KLRD1: variants seen among roughly 807,000 people sequenced by gnomAD.
KLRD1 encodes the protein natural killer cells antigen CD94.
A neutral mutation model predicts 22.6 loss-of-function variants in KLRD1; 21 were observed. That is an observed-to-expected ratio of 0.93 (90% CI 0.66 to 1.34). The LOEUF is 1.34. KLRD1 is among the 40% of genes most tolerant of loss of function. The pLI, the probability that KLRD1 is intolerant of heterozygous loss-of-function variation, is 0.00. For synonymous variants in KLRD1, 59 were observed against 71.1 expected, an observed-to-expected ratio of 0.83 and a Z score of 0.85; for missense variants, 183 against 208.6, an observed-to-expected ratio of 0.88 and a Z score of 0.76.
Position 10,259,061 on chromosome 12 carries a change from G to C in KLRD1, c.-101+32828G>C, listed in dbSNP as rs1592033627. Among the ~76,000 whole-genome samples, 3 of 152,260 alleles carry C rather than the reference G, an allele frequency of 2.0e-5. No individual in the cohort carries two copies. In the East Asian group the frequency reaches 5.8e-4, roughly 29 times the overall value. ...AAACTGTGATTCCGAGGTACCTGGG[G>C]ATGCTTCTACTTTTGAGATCAAAAG... On this transcript the variant is annotated intron_variant, in intron 1 of 5. Coordinates refer to the KLRD1 transcript ENST00000544747.
At position 10,315,777 on chromosome 12, in the gene KLRD1, T is replaced by C. The variant is rs1216570550; in HGVS notation, c.*984T>C. 1.3e-5 allele frequency: 2 copies of C among 152,280 alleles called. No homozygotes were observed. Among genetic ancestry groups the C allele is most frequent in the African/African-American group, 4.8e-5 (2 of 41,550 alleles). 9.4% of individuals were successfully genotyped at this position (152,280 alleles called of 1,614,324 possible). On this transcript the variant is annotated 3_prime_UTR_variant, in exon 6 of 6. Coordinates refer to ENST00000336164, the MANE Select transcript of KLRD1 (RefSeq NM_002262.5). ...TCTGTTATGAATCAAAGCTGATCTA[T>C]TTTCATCATTTTTGTGATGAAAAAA... is the stretch of plus-strand genomic sequence containing the variant.
At chr12:10,311,645 T>A in intron 4 of KLRD1, 30 bp downstream of exon 4, 2 of 1,606,672 alleles carry the variant, frequency 1.2e-6, no homozygotes, top group African/African-American at 2.7e-5. Context: ...TTCTACATTT[T>A]CTTTGATCTA....
Position 10,293,167 on chromosome 12 carries a change from T to TATATATATATACACACAC in KLRD1, c.-100-14810_-100-14809insTATATATATACACACACA, listed in dbSNP as rs1949791498. Reference sequence around the variant, plus strand: ...CAGTAAAACTTTCTCCATATATATATACACATATACACATAATTCGCATGC... The same window carrying TATATATATATACACACAC: ...CAGTAAAACTTTCTCCATATATATATATATATATATACACACACACACATATACACATAATTCGCATGC... On this transcript the variant is annotated intron_variant, in intron 1 of 5. Coordinates refer to the KLRD1 transcript ENST00000544747. Among the ~76,000 whole-genome samples, 2 of 4,614 alleles carry TATATATATATACACACAC rather than the reference T, an allele frequency of 4.3e-4. 1 individual carries two copies. The highest frequency in any genetic ancestry group is 0.013 in the Admixed American group (2 of 150). The allele number at this position is 4,614 out of a possible 152,430, so 3.0% of individuals were successfully genotyped here.
upstream of KLRD1, among the ~76,000 whole-genome samples, chr12:10,300,242 G>A (rs959577654): frequency 2.0e-5 from 3 of 152,266 alleles, no homozygotes; most frequent in African/African-American, 7.2e-5. Context: ...ATCTTTGGTA[G>A]TTAGAGCCTT....
chr12:10,283,077 A>G (rs1565458533), intron 1 of KLRD1, among the ~76,000 whole-genome samples: 1 of 152,244 alleles, frequency 6.6e-6, no homozygotes, highest in Non-Finnish European at 1.5e-5. Context: ...TATTTATCAA[A>G]CAGTTGGAGA....
At chr12:10,282,952 GA>G (rs1949659978) in intron 1 of KLRD1, among the ~76,000 whole-genome samples, 1 of 152,182 alleles carries the variant, frequency 6.6e-6, no homozygotes, top group East Asian at 1.9e-4. Context: ...AATTGTCAGG[GA>G]AACAAGAGTG....
intron 4 of KLRD1, among the ~76,000 whole-genome samples, chr12:10,312,639 A>G (rs1192947959): frequency 6.7e-6 from 1 of 149,206 alleles, no homozygotes; most frequent in Non-Finnish European, 1.5e-5. Context: ...CTGCCTCCCA[A>G]AGTGCTGGGA....
chr12:10,248,366 A>G (rs1004248292), intron 1 of KLRD1, among the ~76,000 whole-genome samples: 1 of 152,166 alleles, frequency 6.6e-6, no homozygotes, highest in Non-Finnish European at 1.5e-5. Context: ...AAAATGGTAC[A>G]TGACTATTGT....
At chr12:10,313,745 G>T (rs949416603) in intron 5 of KLRD1, among the ~76,000 whole-genome samples, 2 of 152,062 alleles carry the variant, frequency 1.3e-5, no homozygotes, top group Admixed American at 6.6e-5. Flanking sequence ...GGAGGTCGGG[G>T]TATAGGATAG....
At chr12:10,306,044 C>A (rs1949919934), upstream of KLRD1, among the ~76,000 whole-genome samples, 1 of 151,934 alleles carries the variant, frequency 6.6e-6, no homozygotes, top group Admixed American at 6.6e-5. Context: ...TGGCGGGAGC[C>A]TGTAGCCCCA....
At chr12:10,284,059 C>T (rs1290974454) in intron 1 of KLRD1, among the ~76,000 whole-genome samples, 1 of 148,470 alleles carries the variant, frequency 6.7e-6, no homozygotes, top group Admixed American at 6.7e-5. Flanking sequence ...TGGTGGTGGG[C>T]GCTTGTAATC....
Position 10,311,592 on chromosome 12 carries a change from C to T in KLRD1, c.292C>T (p.Gln98Ter). 1 of 1,614,046 alleles carries T rather than the reference C, an allele frequency of 6.2e-7. No individual in the cohort carries two copies. Among genetic ancestry groups the T allele is most frequent in the Non-Finnish European group, 8.5e-7 (1 of 1,179,930 alleles). The change falls in exon 4 of 6, where the codon CAG (glutamine) becomes TAG (stop). Residue 98 changes from glutamine to a stop codon, truncating the protein, a stop_gained. Coordinates refer to ENST00000336164, the MANE Select transcript of KLRD1 (RefSeq NM_002262.5). LOFTEE classifies it high-confidence loss of function. ...LCASQKSSLL[Q>*]LQNTDELDFM... ...TGCTTCTCAGAAATCCAGCCTGCTT[C>T]AGCTTCAAAACACAGATGAACTGGC...
chr12:10,270,308 A>G (rs1459992981), intron 1 of KLRD1, among the ~76,000 whole-genome samples: 1 of 152,226 alleles, frequency 6.6e-6, no homozygotes, highest in Admixed American at 6.5e-5. Flanking sequence ...GCTATTTAAA[A>G]TTATATTTTA....
chr12:10,290,525 A>T (rs1388382395), intron 1 of KLRD1, among the ~76,000 whole-genome samples: 3 of 152,236 alleles, frequency 2.0e-5, no homozygotes, highest in Non-Finnish European at 4.4e-5. Context: ...TAAAGAAAGC[A>T]TTGGACATAA....
In KLRD1 at chr12:10,274,564, G is replaced by A. The variant is rs550870267; in HGVS notation, c.-100-33414G>A. ...AGATTAAATTGTGCTACCTGGAGGC[G>A]TTTGTCTAAACTGCCATATGTTTAA... On this transcript the variant is annotated intron_variant, in intron 1 of 5. Coordinates refer to the KLRD1 transcript ENST00000544747. 4.3e-4 allele frequency among the ~76,000 whole-genome samples: 66 copies of A among 152,144 alleles called. No individual in the cohort carries two copies. The Middle Eastern group carries it at 0.027, about 63-fold the overall frequency.
At chr12:10,265,490 C>CT (rs772800425) in intron 1 of KLRD1, among the ~76,000 whole-genome samples, 7 of 152,168 alleles carry the variant, frequency 4.6e-5, no homozygotes, top group Non-Finnish European at 8.8e-5. Flanking sequence ...GGCGCGATGG[C>CT]TCACGCCTGT....
chr12:10,250,452 C>A (rs917809799), intron 1 of KLRD1, among the ~76,000 whole-genome samples: 1 of 151,542 alleles, frequency 6.6e-6, no homozygotes, highest in African/African-American at 2.4e-5. Context: ...CCAAACTTTT[C>A]TTTTCTTTTC....
intron 1 of KLRD1, among the ~76,000 whole-genome samples, chr12:10,287,639 A>G (rs1949720026): frequency 6.6e-6 from 1 of 152,258 alleles, no homozygotes; most frequent in Non-Finnish European, 1.5e-5. Context: ...AGAAGACAGA[A>G]GCATGAAATG....
At chr12:10,299,310 T>C (rs1949848128) in intron 1 of KLRD1, among the ~76,000 whole-genome samples, 1 of 152,178 alleles carries the variant, frequency 6.6e-6, no homozygotes, top group African/African-American at 2.4e-5. Context: ...CTATCTCTTT[T>C]AAAGGAAATT....
Sources: allele counts gnomAD v4.1 joint callset (sites outside exome capture counted in the v4.1 genomes callset), GRCh38; gene constraint gnomAD v4.1.1; transcripts MANE v1.5; gene names NCBI Gene and HGNC (gene_info 2026-07-23, HGNC 2026-07-21).